INSR: variants seen among roughly 807,000 people sequenced by gnomAD.
The protein encoded by INSR is insulin receptor.
A neutral mutation model predicts 142.6 loss-of-function variants in INSR; 67 were observed. The ratio of observed to expected loss-of-function variants is 0.47; its 90% CI spans 0.39 to 0.58. The LOEUF is 0.58. Among genes scored for constraint, INSR ranks in the 20% least tolerant of loss-of-function variants. The probability of loss-of-function intolerance (pLI) is 0.00; values close to 1 mark genes in which losing one functional copy is unlikely to be tolerated. For synonymous variants in INSR, 756 were observed against 743.1 expected (o/e 1.02, Z -0.28); for missense variants, 1,248 against 1,833.2 (o/e 0.68, Z 5.83).
In INSR at chr19:7,168,664, C is replaced by T. The variant is rs80187400; in HGVS notation, c.1484-570G>A. ...TTTTGAGACAGTCTTGCTCTGTCAC[C>T]AAGGCTGGAGTGCAGTCCACCTACC... On this transcript the variant is annotated intron_variant, in intron 6 of 21. Coordinates refer to ENST00000302850, the MANE Select transcript of INSR (RefSeq NM_000208.4). This position sits in a 1 kb window ranked among gnomAD's most constrained non-coding sequence, Gnocchi z 4.3. 4.3e-3 allele frequency among the ~76,000 whole-genome samples: 652 copies of T among 152,200 alleles called. 11 individuals carry two copies. Among genetic ancestry groups the T allele is most frequent in the East Asian group, 0.02 (106 of 5,176 alleles).
chr19:7,112,646 T>C lies in INSR; in HGVS notation c.*4410A>G, dbSNP rs1159502598. Reference sequence around the variant, plus strand: ...GGGACCAAGAGCCCCAGATTTGTGATCTGGTTTTTAACAAGGATTTTCAGT... The same window carrying C: ...GGGACCAAGAGCCCCAGATTTGTGACCTGGTTTTTAACAAGGATTTTCAGT... On this transcript the variant is annotated 3_prime_UTR_variant, in exon 22 of 22. Transcript: ENST00000302850. The C allele has an allele frequency of 6.6e-6, 1 of 152,228 alleles. No individual in the cohort carries two copies. Among genetic ancestry groups the C allele is most frequent in the African/African-American group, 2.4e-5 (1 of 41,458 alleles). The allele number at this position is 152,228 out of a possible 1,614,324, so 9.4% of individuals were successfully genotyped here. A position where few individuals can be genotyped will look rare whatever the true frequency, so the allele number is the denominator to read the frequency against.
chr19:7,243,852 A>T (rs1204997978), intron 2 of INSR, among the ~76,000 whole-genome samples: 2 of 152,222 alleles, frequency 1.3e-5, no homozygotes, highest in African/African-American at 4.8e-5. Flanking sequence ...AGCAAGGATG[A>T]TTTTATATTA....
intron 2 of INSR, among the ~76,000 whole-genome samples, chr19:7,262,855 G>T (rs1436087538): frequency 1.3e-5 from 2 of 152,202 alleles, no homozygotes; most frequent in African/African-American, 2.4e-5. Flanking sequence ...AGAGGGAGAT[G>T]GTGGAGTGAG....
rs1333633653 is a variant in INSR, at chr19:7,113,672, T to C, written c.*3384A>G. ...GCTTTTTGTTGTTGTTGTTGCAACT[T>C]AACACTACAAACTCCCAGGACAACC... On this transcript the variant is annotated 3_prime_UTR_variant, in exon 22 of 22. Coordinates refer to ENST00000302850, the MANE Select transcript of INSR (RefSeq NM_000208.4). 2 of 152,190 alleles carry C rather than the reference T, an allele frequency of 1.3e-5. No homozygotes were observed. The highest frequency in any genetic ancestry group is 2.9e-5 in the Non-Finnish European group (2 of 68,028). 9.4% of individuals were successfully genotyped at this position (152,190 alleles called of 1,614,324 possible).
At chr19:7,175,140 G>A (rs1599947291) in intron 3 of INSR, among the ~76,000 whole-genome samples, 2 of 151,584 alleles carry the variant, frequency 1.3e-5, no homozygotes, top group Admixed American at 1.3e-4. Context: ...CACTGCACCC[G>A]GCCCTTTCTG....
chr19:7,117,331 C>T lies in INSR; in HGVS notation c.3874G>A (p.Asp1292Asn). 1.2e-6 allele frequency: 2 copies of T among 1,614,182 alleles called. 1 individual carries two copies. The highest frequency in any genetic ancestry group is 2.2e-5 in the South Asian group (2 of 91,084). ...TCTGGAAAGCTGGGGTGCAGGTCGT[C>T]CTTGAGCAGGTTGACAATCTCCAGG... The part of the protein sequence containing the change: ...TFLEIVNLLK[D>N]DLHPSFPEVS... Residue 1292 changes from aspartate to asparagine, a missense_variant, in exon 22 of 22, where the codon GAC (aspartate) becomes AAC (asparagine). Physicochemically the swap from Asp to Asn is conservative, Grantham distance 23. Around this residue, in one of 3 missense-constraint regions of INSR, gnomAD observed 122 missense variants for 129.8 expected, o/e 0.94. Coordinates refer to ENST00000302850, the MANE Select transcript of INSR (RefSeq NM_000208.4).
chr19:7,122,687 G>C lies in INSR; in HGVS notation c.3456C>G (p.Ala1152=). 6.2e-7 allele frequency: 1 copy of C among 1,614,140 alleles called. No homozygotes were observed. The highest frequency in any genetic ancestry group is 8.5e-7 in the Non-Finnish European group (1 of 1,180,022). The stretch of plus-strand genomic sequence containing the variant: ...CCAGGTCCCGATGCACAAACTTCTT[G>C]GCGTTCAGGTAGGCCATCCCGTCAG... The part of the protein sequence containing the change: ...EIADGMAYLN[A]KKFVHRDLAA... Residue 1152 remains alanine, a synonymous_variant, in exon 19 of 22, where the codon GCC becomes GCG. Coordinates refer to ENST00000302850, the MANE Select transcript of INSR (RefSeq NM_000208.4).
intron 14 of INSR, among the ~76,000 whole-genome samples, chr19:7,130,435 T>C (rs1463652066): frequency 6.6e-6 from 1 of 152,224 alleles, no homozygotes; most frequent in Non-Finnish European, 1.5e-5. Context: ...CCCAAAGCTC[T>C]TGTTGAAATG....
At position 7,252,405 on chromosome 19, in the gene INSR, C is replaced by CA. The variant is rs59355272; in HGVS notation, c.652+14939dup. Among the ~76,000 whole-genome samples the CA allele has an allele frequency of 9.9e-3, 1,416 of 143,522 alleles. 22 individuals are homozygous for CA. Among genetic ancestry groups the CA allele is most frequent in the African/African-American group, 0.027 (1,065 of 39,042 alleles). 94.2% of individuals were successfully genotyped at this position (143,522 alleles called of 152,430 possible). ...TGGGTGACAGAGCAAGACTCCATCT[C>CA]AAAAAAAAAACAAATTTAAAGAAAA... On this transcript the variant is annotated intron_variant, in intron 2 of 21. Coordinates refer to ENST00000302850, the MANE Select transcript of INSR (RefSeq NM_000208.4).
chr19:7,271,403 G>A (rs1331683973), intron 1 of INSR, among the ~76,000 whole-genome samples: 1 of 152,076 alleles, frequency 6.6e-6, no homozygotes, highest in East Asian at 1.9e-4. Context: ...GGGAGTCTGA[G>A]GCAGGAGAAT....
At chr19:7,167,590 A>T (rs1359503571) in intron 7 of INSR, among the ~76,000 whole-genome samples, 1 of 149,282 alleles carries the variant, frequency 6.7e-6, no homozygotes, top group Non-Finnish European at 1.5e-5. Context: ...AAAAAAAAAA[A>T]TTGGGGATAA....
intron 9 of INSR, among the ~76,000 whole-genome samples, chr19:7,162,347 A>AT (rs1284997183): frequency 3.4e-5 from 5 of 148,322 alleles, no homozygotes; most frequent in Non-Finnish European, 7.4e-5. Flanking sequence ...AAAAAAAAAA[A>AT]AATTACCTGG....
At chr19:7,245,798 A>G (rs1237044473) in intron 2 of INSR, among the ~76,000 whole-genome samples, 1 of 152,152 alleles carries the variant, frequency 6.6e-6, no homozygotes. Flanking sequence ...CTAAAAAAAC[A>G]CATATTCTAA....
In INSR at chr19:7,248,290, C is replaced by T. The variant is rs543713747; in HGVS notation, c.652+19055G>A. On this transcript the variant is annotated intron_variant, in intron 2 of 21. Coordinates refer to ENST00000302850, the MANE Select transcript of INSR (RefSeq NM_000208.4). ...TCCCCCAGGTAGCTGGGACTACAGGCGTGCACCACCGCGCCTGGCTAATTT... is the reference window on the plus strand; with the variant it reads ...TCCCCCAGGTAGCTGGGACTACAGGTGTGCACCACCGCGCCTGGCTAATTT... Among the ~76,000 whole-genome samples, 9 of 150,190 alleles carry T rather than the reference C, an allele frequency of 6.0e-5. No individual in the cohort carries two copies. In the South Asian group the frequency reaches 8.6e-4, roughly 14 times the overall value.
At chr19:7,197,388 G>A (rs946567254) in intron 2 of INSR, among the ~76,000 whole-genome samples, 4 of 152,250 alleles carry the variant, frequency 2.6e-5, no homozygotes, top group African/African-American at 9.6e-5. Context: ...CACGGGGGCG[G>A]GCCCTCTCCA....
chr19:7,187,690 G>A (rs780526239), intron 2 of INSR, among the ~76,000 whole-genome samples: 28 of 151,568 alleles, frequency 1.8e-4, no homozygotes, highest in Non-Finnish European at 3.8e-4. Context: ...CTCCCACCTC[G>A]GCCTCTTGGG....
intron 2 of INSR, among the ~76,000 whole-genome samples, chr19:7,228,266 T>A (rs1252678181): frequency 6.6e-6 from 1 of 152,178 alleles, no homozygotes; most frequent in African/African-American, 2.4e-5. Flanking sequence ...GCTGGAAAAT[T>A]GAGGCGGGGG....
chr19:7,193,843 C>T (rs577411140), intron 2 of INSR, among the ~76,000 whole-genome samples: 133 of 152,036 alleles, frequency 8.7e-4, no homozygotes, highest in African/African-American at 3.0e-3. Flanking sequence ...GCGTACACCA[C>T]CATGCTTGGC....
chr19:7,261,802 A>G (rs1442685262), intron 2 of INSR, among the ~76,000 whole-genome samples: 2 of 152,140 alleles, frequency 1.3e-5, no homozygotes, highest in Admixed American at 6.6e-5. Flanking sequence ...AAGTGCTGGG[A>G]TTACAGGTGT....
Sources: allele counts gnomAD v4.1 joint callset (sites outside exome capture counted in the v4.1 genomes callset), GRCh38; gene constraint gnomAD v4.1.1; regional missense constraint gnomAD v4.1.1; non-coding constraint Gnocchi (gnomAD v3.1); transcripts MANE v1.5; gene names NCBI Gene and HGNC (gene_info 2026-07-23, HGNC 2026-07-21).